Variants in PLA2G7 observed in about 807,000 individuals in gnomAD.
PLA2G7 encodes phospholipase A2 group VII.
In PLA2G7, 63 loss-of-function variants were observed where a neutral mutation model predicts 49.6. The observed-to-expected ratio is 1.27, with a 90% CI of 1.04 to 1.57. PLA2G7 has a LOEUF of 1.57. Ranked by LOEUF, PLA2G7 falls within the 40% of genes most tolerant of loss-of-function variation. The probability of loss-of-function intolerance (pLI) is 0.00; values close to 1 mark genes in which losing one functional copy is unlikely to be tolerated. For missense variants in PLA2G7, 596 were observed against 521.2 expected, an observed-to-expected ratio of 1.14 and a Z score of -1.40; for synonymous variants, 193 against 169.9, an observed-to-expected ratio of 1.14 and a Z score of -1.06.
intron 4 of PLA2G7, among the ~76,000 whole-genome samples, chr6:46,715,867 T>C (rs1038216074): frequency 6.6e-6 from 1 of 152,228 alleles, no homozygotes; most frequent in Non-Finnish European, 1.5e-5. Flanking sequence ...ATTAGCAGAA[T>C]GTAGACAGTA....
At chr6:46,726,178 A>T (rs1244121345) in intron 1 of PLA2G7, among the ~76,000 whole-genome samples, 1 of 152,218 alleles carries the variant, frequency 6.6e-6, no homozygotes, top group South Asian at 2.1e-4. Context: ...ATCAGATTAG[A>T]GTCCTGCCTT....
intron 1 of PLA2G7, among the ~76,000 whole-genome samples, chr6:46,732,648 A>G (rs1765769344): frequency 6.6e-6 from 1 of 152,192 alleles, no homozygotes; most frequent in Non-Finnish European, 1.5e-5. Context: ...TACTCTTACA[A>G]TAGACTTTTT....
chr6:46,716,561 A>C (rs1422295633), intron 3 of PLA2G7, 33 bp from the exon 4 acceptor site: 3 of 1,608,410 alleles, frequency 1.9e-6, no homozygotes, highest in Admixed American at 1.7e-5. Flanking sequence ...ACTTTTAGAG[A>C]AGTTGTGTCT....
chr6:46,710,760 T>C (rs1456092004), intron 7 of PLA2G7, 102 bp from the exon 8 acceptor site: 2 of 850,300 alleles, frequency 2.4e-6, no homozygotes, highest in Admixed American at 1.9e-5. Flanking sequence ...GTTGGTCAGT[T>C]ATAAACTGGA....
intron 1 of PLA2G7, among the ~76,000 whole-genome samples, chr6:46,731,669 A>G (rs1582591468): frequency 1.3e-5 from 2 of 152,248 alleles, no homozygotes; most frequent in East Asian, 3.8e-4. Flanking sequence ...AAGACATCAA[A>G]TTTATTAAAA....
chr6:46,707,988 T>A lies in PLA2G7; in HGVS notation c.1040+3A>T. 1 of 1,538,476 alleles carries A rather than the reference T, an allele frequency of 6.5e-7. No homozygotes were observed. The highest frequency in any genetic ancestry group is 9.0e-7 in the Non-Finnish European group (1 of 1,113,422). ...CATAATGAAATAAGTCACTAATACT[T>A]ACCTGATTGTAATCATCTTTCTTTC... On this transcript the variant is annotated splice_donor_region_variant and intron_variant, in intron 10 of 11. Transcript: ENST00000274793.
chr6:46,707,943 C>T, intron 10 of PLA2G7, 48 bp downstream of exon 10: 1 of 1,197,544 alleles, frequency 8.4e-7, no homozygotes, highest in Non-Finnish European at 1.2e-6. Context: ...GATATTTACC[C>T]AAGCTTCAAG....
chr6:46,720,515 T>C (rs1262288837), intron 2 of PLA2G7, among the ~76,000 whole-genome samples: 2 of 152,162 alleles, frequency 1.3e-5, no homozygotes, highest in African/African-American at 2.4e-5. Context: ...TATGCACCAG[T>C]GCCAGGGTGC....
intron 2 of PLA2G7, among the ~76,000 whole-genome samples, chr6:46,720,648 A>C (rs887029314): frequency 6.6e-6 from 1 of 152,242 alleles, no homozygotes; most frequent in Admixed American, 6.5e-5. Context: ...GAGACTCATC[A>C]GATCAAATGA....
intron 2 of PLA2G7, 152 bp downstream of exon 2, chr6:46,722,631 G>A (rs2150707249): frequency 1.5e-6 from 1 of 646,210 alleles, no homozygotes. Flanking sequence ...AGGAAAAAGT[G>A]AGAACCTCTC....
chr6:46,711,603 C>T lies in PLA2G7; in HGVS notation c.556G>A (p.Ala186Thr), dbSNP rs1433309437. 1.2e-6 allele frequency: 2 copies of T among 1,613,472 alleles called. No individual in the cohort carries two copies. Among genetic ancestry groups the T allele is most frequent in the African/African-American group, 2.7e-5 (2 of 74,924 alleles). The part of the protein sequence containing the change: ...AVEHRDRSAS[A>T]TYYFKDQSAA... ...GATTGGTCCTTGAAATAGTAAGTTG[C>T]AGATGCAGATCTATCTCTATAATAC... The change falls in exon 7 of 12, where the codon GCA becomes ACA. Residue 186 changes from alanine (A) to threonine (T), a missense_variant. By Grantham distance (58) the Ala-to-Thr change is moderately conservative. Transcript: ENST00000274793.
intron 4 of PLA2G7, among the ~76,000 whole-genome samples, chr6:46,715,158 C>T (rs1765164156): frequency 6.6e-6 from 1 of 152,156 alleles, no homozygotes; most frequent in Non-Finnish European, 1.5e-5. Context: ...CTGCCATTCC[C>T]AGGTTTTGGA....
chr6:46,716,585 G>A, intron 3 of PLA2G7, 57 bp from the exon 4 acceptor site: 2 of 1,576,438 alleles, frequency 1.3e-6, no homozygotes, highest in Non-Finnish European at 1.7e-6. Flanking sequence ...ACATATTCCA[G>A]CAGCTATTTT....
chr6:46,712,178 A>T, intron 6 of PLA2G7, 91 bp downstream of exon 6: 2 of 874,202 alleles, frequency 2.3e-6, no homozygotes, highest in Non-Finnish European at 3.9e-6. Flanking sequence ...TCAACATTTT[A>T]AATAAACTTT....
At chr6:46,724,445 C>T (rs1765508003) in intron 1 of PLA2G7, among the ~76,000 whole-genome samples, 1 of 152,184 alleles carries the variant, frequency 6.6e-6, no homozygotes, top group Non-Finnish European at 1.5e-5. Flanking sequence ...TCCGGTGTCC[C>T]ACTGACACTA....
chr6:46,728,259 C>A (rs773282261), intron 1 of PLA2G7, among the ~76,000 whole-genome samples: 52 of 152,140 alleles, frequency 3.4e-4, no homozygotes, highest in Non-Finnish European at 6.3e-4. Context: ...TTTTTGCCCC[C>A]CAAGAAGACA....
Position 46,704,478 on chromosome 6 carries a change from TCACACACACA to T in PLA2G7, c.*72_*81del, listed in dbSNP as rs367858800. 126 of 87,866 alleles carry T rather than the reference TCACACACACA, an allele frequency of 1.4e-3. 2 individuals carry two copies. The highest frequency in any genetic ancestry group is 5.6e-3 in the African/African-American group (87 of 15,486). 5.4% of individuals were successfully genotyped at this position (87,866 alleles called of 1,614,324 possible). On this transcript the variant is annotated 3_prime_UTR_variant, in exon 12 of 12. Coordinates refer to ENST00000274793, the MANE Select transcript of PLA2G7 (RefSeq NM_005084.4). Reference sequence around the variant, plus strand: ...CTCTCTCTCTCTCTCTCTCTCTCTCTCACACACACACACACACACACACACACACACATAA... The same window carrying T: ...CTCTCTCTCTCTCTCTCTCTCTCTCTCACACACACACACACACACACATAA...
intron 8 of PLA2G7, 123 bp from the exon 9 acceptor site, chr6:46,709,541 G>T: frequency 4.4e-6 from 3 of 680,506 alleles, no homozygotes; most frequent in Non-Finnish European, 8.0e-6. Flanking sequence ...TTATAAAATA[G>T]AATATACATA....
chr6:46,713,167 T>G (rs1765086782), intron 5 of PLA2G7, among the ~76,000 whole-genome samples: 1 of 152,250 alleles, frequency 6.6e-6, no homozygotes, highest in African/African-American at 2.4e-5. Flanking sequence ...ATTTATGCCC[T>G]CTTCCACAGC....
Sources: gnomAD v4.1 joint callset for allele counts (sites outside exome capture counted in the v4.1 genomes callset) on GRCh38, gnomAD v4.1.1 for gene constraint, MANE v1.5 for transcripts, NCBI Gene and HGNC (gene_info 2026-07-23, HGNC 2026-07-21) for gene names.